The following PDE2A variants were observed in gnomAD, a reference collection of about 807,000 sequenced individuals.
The protein encoded by PDE2A is phosphodiesterase 2A.
PDE2A carries 53 observed loss-of-function variants against 133.6 expected under a neutral mutation model. The observed-to-expected ratio is 0.40, with a 90% confidence interval of 0.32 to 0.50. PDE2A has a LOEUF of 0.50. PDE2A is among the 20% of genes least tolerant of loss of function. The probability of loss-of-function intolerance (pLI) is 0.73; values close to 1 mark genes in which losing one functional copy is unlikely to be tolerated. For missense variants in PDE2A, 796 were observed against 1,232.4 expected, an observed-to-expected ratio of 0.65 and a Z score of 5.30; for synonymous variants, 491 against 490.2, an observed-to-expected ratio of 1.00 and a Z score of -0.02.
Position 72,586,008 on chromosome 11 carries a change from G to C in PDE2A, c.1182+62C>G. The C allele has an allele frequency of 1.0e-5, 10 of 956,112 alleles. No individual in the cohort carries two copies. In the South Asian group the frequency reaches 1.4e-4, roughly 13 times the overall value. 59.2% of individuals were successfully genotyped at this position (956,112 alleles called of 1,614,324 possible). ...GACATGGGCATTTCCCTTCTGAATG[G>C]CTCTCGGGGCTGAAAACTGAGCGAG... On this transcript the variant is annotated intron_variant, in intron 14 of 30. Transcript: ENST00000334456.
chr11:72,614,209 A>G (rs1255479527), intron 2 of PDE2A, among the ~76,000 whole-genome samples: 1 of 152,178 alleles, frequency 6.6e-6, no homozygotes, highest in Non-Finnish European at 1.5e-5. Flanking sequence ...CCTCTCAAAG[A>G]CACTGGTGCC....
chr11:72,632,607 C>T (rs935877990), intron 2 of PDE2A, among the ~76,000 whole-genome samples: 13 of 152,150 alleles, frequency 8.5e-5, no homozygotes, highest in Non-Finnish European at 1.6e-4. Context: ...GAGGAAATGA[C>T]GAGGGTTGAG....
intron 21 of PDE2A, 176 bp downstream of exon 21, chr11:72,582,268 C>T: frequency 3.0e-6 from 2 of 671,758 alleles, no homozygotes; most frequent in Admixed American, 2.9e-5. Context: ...CCTCTAGCCC[C>T]TGGGCAGGCC....
At chr11:72,581,728 C>T (rs1265955052) in intron 22 of PDE2A, 149 bp downstream of exon 22, 1 of 851,386 alleles carries the variant, frequency 1.2e-6, no homozygotes. Context: ...CTAGGAATTG[C>T]TTCTCATTCA....
intron 1 of PDE2A, among the ~76,000 whole-genome samples, chr11:72,667,891 G>GGGAAGAAGATGAAGGAGAGGAGAA (rs1855284013): frequency 6.6e-6 from 1 of 151,744 alleles, no homozygotes; most frequent in Admixed American, 6.6e-5. Flanking sequence ...AAAAGGGTGA[G>GGGAAGAAGATGAAGGAGAGGAGAA]GGAAGAAGAT....
intron 1 of PDE2A, among the ~76,000 whole-genome samples, chr11:72,663,913 C>T (rs1388426026): frequency 6.6e-6 from 1 of 152,194 alleles, no homozygotes; most frequent in Non-Finnish European, 1.5e-5. Context: ...CAATCTCTAA[C>T]TTTTGCTGCT....
At chr11:72,661,347 G>C (rs1250140305) in intron 1 of PDE2A, among the ~76,000 whole-genome samples, 1 of 152,126 alleles carries the variant, frequency 6.6e-6, no homozygotes, top group Non-Finnish European at 1.5e-5. Context: ...CTGAGGCCCT[G>C]AGTAGCTGGG....
At chr11:72,615,183 C>A in intron 2 of PDE2A, 1 of 436,404 alleles carries the variant, frequency 2.3e-6, no homozygotes, top group Non-Finnish European at 5.2e-6. Context: ...GGAGCCTGAC[C>A]CCACACTGTT....
intron 2 of PDE2A, among the ~76,000 whole-genome samples, chr11:72,625,849 G>A (rs553310963): frequency 2.0e-5 from 3 of 152,278 alleles, no homozygotes; most frequent in East Asian, 1.9e-4. Flanking sequence ...AAGGACACAC[G>A]GAGGCCAGTG....
intron 1 of PDE2A, among the ~76,000 whole-genome samples, chr11:72,653,802 G>C (rs1854815856): frequency 6.6e-6 from 1 of 152,330 alleles, no homozygotes; most frequent in South Asian, 2.1e-4. Context: ...CTGTCCCCTA[G>C]AACACAGAAT....
chr11:72,662,153 C>T (rs1220190097), intron 1 of PDE2A, among the ~76,000 whole-genome samples: 2 of 152,130 alleles, frequency 1.3e-5, no homozygotes, highest in African/African-American at 2.4e-5. Context: ...GAAGCTGGGG[C>T]AGGGAGGTGC....
intron 2 of PDE2A, among the ~76,000 whole-genome samples, chr11:72,623,108 C>T (rs1857862197): frequency 6.6e-6 from 1 of 152,172 alleles, no homozygotes; most frequent in African/African-American, 2.4e-5. Flanking sequence ...AAGGGCTCTC[C>T]AGGCTAACGT....
rs778826282 is a variant in PDE2A at position 72,577,531 on chromosome 11, C to T, written c.2679G>A (p.Glu893=). The change falls in exon 31 of 31, where the codon GAG becomes GAA. Residue 893 remains glutamate, a synonymous_variant. Transcript: ENST00000334456. ...ELYERVASNR[E]HWTKVSHKFT... Reference sequence around the variant, plus strand: ...ACTTGTGGGACACCTTGGTCCAGTGCTCACGGTTGGAGGCCACGCGCTCGT... The same window carrying T: ...ACTTGTGGGACACCTTGGTCCAGTGTTCACGGTTGGAGGCCACGCGCTCGT... 6.1e-5 allele frequency: 98 copies of T among 1,612,058 alleles called. No individual in the cohort carries two copies. Among genetic ancestry groups the T allele is most frequent in the Non-Finnish European group, 7.9e-5 (93 of 1,180,024 alleles).
Position 72,578,822 on chromosome 11 carries a change from G to C in PDE2A, c.2469+75C>G. On this transcript the variant is annotated intron_variant, in intron 28 of 30. Transcript: ENST00000334456. This position sits in a 1 kb window ranked among gnomAD's most constrained non-coding sequence, Gnocchi z 4.2. ...CCAGGCTGAGCTGAGCAGAGAGAGG[G>C]TATTCAGGCACAGGGGGCACCCAAA... 1 of 861,814 alleles carries C rather than the reference G, an allele frequency of 1.2e-6. No individual in the cohort carries two copies. Among genetic ancestry groups the C allele is most frequent in the Non-Finnish European group, 2.0e-6 (1 of 507,874 alleles). The allele number at this position is 861,814 out of a possible 1,614,324, so 53.4% of individuals were successfully genotyped here. A position where few individuals can be genotyped will look rare whatever the true frequency, so the allele number is the denominator to read the frequency against.
intron 13 of PDE2A, 148 bp from the exon 14 acceptor site, chr11:72,586,329 C>T (rs1416310310): frequency 1.1e-5 from 7 of 626,268 alleles, no homozygotes; most frequent in Non-Finnish European, 2.0e-5. Context: ...AGCTTCCCAC[C>T]CCCATGACCC....
chr11:72,582,611 T>C (rs1209726670), intron 20 of PDE2A, 45 bp from the exon 21 acceptor site: 20 of 1,559,074 alleles, frequency 1.3e-5, no homozygotes, highest in Non-Finnish European at 1.7e-5. Context: ...CTTCACCCCA[T>C]CTGGTGTCTT....
chr11:72,653,545 G>C (rs914165500), intron 1 of PDE2A, among the ~76,000 whole-genome samples: 21 of 152,182 alleles, frequency 1.4e-4, no homozygotes, highest in Admixed American at 1.4e-3. Context: ...GAGGTGGATA[G>C]AGGCATGACA....
intron 2 of PDE2A, among the ~76,000 whole-genome samples, chr11:72,617,775 A>G (rs182091286): frequency 4.5e-4 from 69 of 152,282 alleles, no homozygotes; most frequent in African/African-American, 1.7e-3. Context: ...GTCCCTGAAG[A>G]CCAAGGCAGA....
chr11:72,641,836 C>T (rs1858965925), intron 2 of PDE2A, among the ~76,000 whole-genome samples: 1 of 152,150 alleles, frequency 6.6e-6, no homozygotes, highest in Admixed American at 6.5e-5. Flanking sequence ...TGGGTGAGGC[C>T]GGCTCTGAGG....
Sources: gnomAD v4.1 joint callset for allele counts (sites outside exome capture counted in the v4.1 genomes callset) on GRCh38, gnomAD v4.1.1 for gene constraint, Gnocchi (gnomAD v3.1) non-coding constraint, MANE v1.5 for transcripts, NCBI Gene and HGNC (gene_info 2026-07-23, HGNC 2026-07-21) for gene names.